Variants in PPP2R5E observed in about 807,000 individuals in gnomAD.
The protein encoded by PPP2R5E is serine/threonine-protein phosphatase 2A 56 kDa regulatory subunit epsilon isoform.
Under a neutral mutation model 65.3 loss-of-function variants are expected in PPP2R5E, and 4 were observed. The ratio of observed to expected loss-of-function variants is 0.06; its 90% CI spans 0.03 to 0.14. The LOEUF (loss-of-function observed/expected upper bound fraction) is 0.14. PPP2R5E is among the 10% of genes least tolerant of loss of function. The pLI is 1.00. For missense variants in PPP2R5E, 274 were observed against 556.1 expected (o/e 0.49, Z 5.10); for synonymous variants, 183 against 187.4 (o/e 0.98, Z 0.19).
intron 5 of PPP2R5E, among the ~76,000 whole-genome samples, chr14:63,397,724 CTTTTTTT>C (rs750438698): frequency 7.2e-6 from 1 of 138,810 alleles, no homozygotes; most frequent in African/African-American, 2.6e-5. Flanking sequence ...ATGTGAATAA[CTTTTTTT>C]TTTTTTTTTT....
intron 11 of PPP2R5E, among the ~76,000 whole-genome samples, chr14:63,387,230 T>C (rs999173502): frequency 6.6e-6 from 1 of 152,186 alleles, no homozygotes; most frequent in African/African-American, 2.4e-5. Context: ...CTTTGGACAT[T>C]CCTCCAGAAT....
chr14:63,520,859 C>CAAAAAA lies in PPP2R5E; in HGVS notation c.157+18664_157+18669dup, dbSNP rs748146106. Among the ~76,000 whole-genome samples, 30 of 58,524 alleles carry CAAAAAA rather than the reference C, an allele frequency of 5.1e-4. 1 individual carries two copies. Among genetic ancestry groups the CAAAAAA allele is most frequent in the East Asian group, 1.5e-3 (1 of 668 alleles). The allele number at this position is 58,524 out of a possible 152,430, so 38.4% of individuals were successfully genotyped here. A position where few individuals can be genotyped will look rare whatever the true frequency, so the allele number is the denominator to read the frequency against. On this transcript the variant is annotated intron_variant, in intron 2 of 13. Transcript: ENST00000337537. The stretch of plus-strand genomic sequence containing the variant: ...TGAAACCTCATCTCTACTAAAAATA[C>CAAAAAA]AAAAAAAAAAAAAAAAAAAAAAAAA...
intron 2 of PPP2R5E, among the ~76,000 whole-genome samples, chr14:63,467,382 C>T (rs1889890170): frequency 6.6e-6 from 1 of 152,106 alleles, no homozygotes; most frequent in South Asian, 2.1e-4. Flanking sequence ...CAGCCTTTTT[C>T]TGAATTTTGA....
intron 2 of PPP2R5E, among the ~76,000 whole-genome samples, chr14:63,493,937 G>T (rs1039133394): frequency 3.9e-4 from 60 of 152,082 alleles, no homozygotes; most frequent in Non-Finnish European, 8.8e-4. Context: ...AATTTTAACT[G>T]TTTAAACTGT....
At chr14:63,487,085 T>C (rs1016424483) in intron 2 of PPP2R5E, among the ~76,000 whole-genome samples, 1 of 152,204 alleles carries the variant, frequency 6.6e-6, no homozygotes, top group Non-Finnish European at 1.5e-5. Context: ...GTATTTCCAA[T>C]ACAGCTGTCC....
intron 3 of PPP2R5E, among the ~76,000 whole-genome samples, chr14:63,444,495 A>T (rs1471903767): frequency 6.6e-6 from 1 of 152,218 alleles, no homozygotes; most frequent in Non-Finnish European, 1.5e-5. Flanking sequence ...AGCAAAATGT[A>T]AAAGTGTAAC....
chr14:63,500,413 C>G (rs1891809996), intron 2 of PPP2R5E, among the ~76,000 whole-genome samples: 1 of 152,140 alleles, frequency 6.6e-6, no homozygotes, highest in Non-Finnish European at 1.5e-5. Flanking sequence ...CCAGCTAAGT[C>G]TTTGTGACAG....
chr14:63,521,605 G>C (rs1469427741), intron 2 of PPP2R5E, among the ~76,000 whole-genome samples: 1 of 152,196 alleles, frequency 6.6e-6, no homozygotes, highest in Non-Finnish European at 1.5e-5. Context: ...AGAGGTTGCA[G>C]TGAGCTGAGA....
At chr14:63,493,611 A>G (rs11623739) in intron 2 of PPP2R5E, among the ~76,000 whole-genome samples, 3 of 152,066 alleles carry the variant, frequency 2.0e-5, no homozygotes, top group Middle Eastern at 3.4e-3. Context: ...GGCTGCTTAC[A>G]CTGTATCCAG....
At chr14:63,534,829 A>G (rs1893600855) in intron 2 of PPP2R5E, among the ~76,000 whole-genome samples, 1 of 152,130 alleles carries the variant, frequency 6.6e-6, no homozygotes, top group Non-Finnish European at 1.5e-5. Flanking sequence ...TATGTTGCGT[A>G]GGCTGGTCTC....
chr14:63,451,652 A>T (rs547567298), intron 3 of PPP2R5E: 2 of 152,276 alleles, frequency 1.3e-5, no homozygotes, highest in Admixed American at 6.5e-5. Context: ...GTCATTACAC[A>T]TTTGTCTAAA....
intron 5 of PPP2R5E, among the ~76,000 whole-genome samples, chr14:63,414,534 C>A (rs905365869): frequency 5.9e-5 from 9 of 152,086 alleles, no homozygotes; most frequent in African/African-American, 2.2e-4. Flanking sequence ...CATGAAAGCA[C>A]CCAAGTTCCA....
At chr14:63,478,361 G>T (rs150867216) in intron 2 of PPP2R5E, among the ~76,000 whole-genome samples, 156 of 152,088 alleles carry the variant, frequency 1.0e-3, no homozygotes, top group African/African-American at 3.6e-3. Flanking sequence ...AATTAAAAAT[G>T]GGAAAATTTT....
intron 2 of PPP2R5E, among the ~76,000 whole-genome samples, chr14:63,484,916 C>A (rs1244286176): frequency 2.0e-5 from 3 of 152,144 alleles, no homozygotes; most frequent in Non-Finnish European, 4.4e-5. Flanking sequence ...CTCATCTTTC[C>A]TGAGAGGTTG....
At chr14:63,422,600 C>A (rs1279416680) in intron 3 of PPP2R5E, among the ~76,000 whole-genome samples, 2 of 151,980 alleles carry the variant, frequency 1.3e-5, no homozygotes, top group Non-Finnish European at 2.9e-5. Context: ...GTGGCAGGCA[C>A]CTGTAGTCCC....
At chr14:63,458,421 A>G (rs771512156) in intron 2 of PPP2R5E, among the ~76,000 whole-genome samples, 3 of 152,240 alleles carry the variant, frequency 2.0e-5, no homozygotes, top group Admixed American at 1.3e-4. Flanking sequence ...GCAAAGCAAA[A>G]AGTAACAAGG....
intron 5 of PPP2R5E, among the ~76,000 whole-genome samples, chr14:63,397,529 A>T (rs1266716925): frequency 6.9e-6 from 1 of 144,412 alleles, no homozygotes; most frequent in Non-Finnish European, 1.5e-5. Context: ...AAAAAAAAAA[A>T]AGGATAAGCC....
At chr14:63,428,351 A>G (rs1191355900) in intron 3 of PPP2R5E, among the ~76,000 whole-genome samples, 1 of 152,246 alleles carries the variant, frequency 6.6e-6, no homozygotes, top group African/African-American at 2.4e-5. Flanking sequence ...CACTGGTGAA[A>G]TCTGACTTTC....
intron 2 of PPP2R5E, among the ~76,000 whole-genome samples, chr14:63,526,376 T>C (rs1893184255): frequency 6.6e-6 from 1 of 152,178 alleles, no homozygotes; most frequent in Non-Finnish European, 1.5e-5. Context: ...CATCTCTATG[T>C]TTGTATATGT....
Sources: gnomAD v4.1 joint callset for allele counts (sites outside exome capture counted in the v4.1 genomes callset) on GRCh38, gnomAD v4.1.1 for gene constraint, MANE v1.5 for transcripts, NCBI Gene and HGNC (gene_info 2026-07-23, HGNC 2026-07-21) for gene names.